The following POSTN variants were observed in gnomAD, a reference collection of about 807,000 sequenced individuals.
POSTN encodes the protein periostin.
POSTN carries 71 observed loss-of-function variants against 104.5 expected under a neutral mutation model. The ratio of observed to expected loss-of-function variants is 0.68; its 90% CI spans 0.56 to 0.83. POSTN has a LOEUF of 0.83. POSTN is among the 40% of genes least tolerant of loss of function. The pLI, the probability that POSTN is intolerant of heterozygous loss-of-function variation, is 0.00. For missense variants in POSTN, 949 were observed against 1,006.8 expected (o/e 0.94, Z 0.78); for synonymous variants, 355 against 340.7 (o/e 1.04, Z -0.46).
rs532200661 is a variant in POSTN, at chr13:37,581,396, G to C, written c.1393-699C>G. Among the ~76,000 whole-genome samples the C allele has an allele frequency of 2.0e-5, 3 of 152,198 alleles. No homozygotes were observed. In the South Asian group the frequency reaches 6.2e-4, roughly 32 times the overall value. ...ATTAGTTGAACTGTAATTTTGATAA[G>C]CAATATTTCTATAAATTTTCCTGCA... On this transcript the variant is annotated intron_variant, in intron 10 of 22. Coordinates refer to ENST00000379747, the MANE Select transcript of POSTN (RefSeq NM_006475.3).
chr13:37,595,750 C>T (rs1339861464), intron 2 of POSTN, among the ~76,000 whole-genome samples: 2 of 151,520 alleles, frequency 1.3e-5, no homozygotes, highest in Non-Finnish European at 1.5e-5. Flanking sequence ...TATAATATAG[C>T]TATTAAATCC....
In POSTN at chr13:37,573,393, TATAGTATTTTTTTCAAGAAAAAAACAAGG is replaced by T. The variant is rs1385459499; in HGVS notation, c.2089+1150_2089+1178del. Among the ~76,000 whole-genome samples, 322 of 151,446 alleles carry T rather than the reference TATAGTATTTTTTTCAAGAAAAAAACAAGG, an allele frequency of 2.1e-3. 3 individuals are homozygous for T. Among genetic ancestry groups the T allele is most frequent in the Middle Eastern group, 3.4e-3 (1 of 292 alleles). ...AGAAAGTCGATTAAATAATTATAAT[TATAGTATTTTTTTCAAGAAAAAAACAAGG>T]ATAGATTTCAAAGAATAACTCAATT... On this transcript the variant is annotated intron_variant, in intron 17 of 22. Transcript: ENST00000379747.
intron 18 of POSTN, 200 bp downstream of exon 18, chr13:37,571,169 T>A (rs1263660253): frequency 2.2e-6 from 1 of 462,072 alleles, no homozygotes; most frequent in East Asian, 3.5e-5. Context: ...GATAAATTAA[T>A]TCCAACTAGA....
chr13:37,584,996 T>C (rs1172306791), intron 7 of POSTN, 68 bp from the exon 8 acceptor site: 30 of 1,572,064 alleles, frequency 1.9e-5, no homozygotes, highest in Non-Finnish European at 5.2e-6. Context: ...TGAAAAGATG[T>C]GTTTCACTGT....
At chr13:37,584,637 G>A (rs1295035649) in intron 8 of POSTN, 79 bp downstream of exon 8, 28 of 1,181,008 alleles carry the variant, frequency 2.4e-5, no homozygotes, top group Non-Finnish European at 3.0e-5. Context: ...ATTTTTCATG[G>A]ACTTACTCTT....
intron 21 of POSTN, among the ~76,000 whole-genome samples, chr13:37,568,501 A>G (rs1950175803): frequency 6.6e-6 from 1 of 151,998 alleles, no homozygotes; most frequent in Admixed American, 6.6e-5. Context: ...CAAAGTGCCT[A>G]TTTGGTTTTT....
rs1566536690 is a variant in POSTN, at chr13:37,564,199, TATATATATATA to T, written c.2473+309_2473+319del. Among the ~76,000 whole-genome samples, 624 of 110,642 alleles carry T rather than the reference TATATATATATA, an allele frequency of 5.6e-3. 15 individuals are homozygous for T. The highest frequency in any genetic ancestry group is 0.015 in the South Asian group (50 of 3,420). The allele number at this position is 110,642 out of a possible 152,430, so 72.6% of individuals were successfully genotyped here. ...AACATTACATATATATATATATATA[TATATATATATA>T]TATATATATATATATATATGTATGG... On this transcript the variant is annotated intron_variant, in intron 22 of 22. Coordinates refer to ENST00000379747, the MANE Select transcript of POSTN (RefSeq NM_006475.3).
chr13:37,591,822 G>T (rs1195522504), intron 3 of POSTN, among the ~76,000 whole-genome samples: 1 of 152,124 alleles, frequency 6.6e-6, no homozygotes, highest in Admixed American at 6.5e-5. Flanking sequence ...CAAGTTCAAA[G>T]AACAGGATTT....
chr13:37,574,409 G>A (rs1950347989), intron 17 of POSTN, among the ~76,000 whole-genome samples, 163 bp downstream of exon 17: 1 of 151,866 alleles, frequency 6.6e-6, no homozygotes, highest in Non-Finnish European at 1.5e-5. Context: ...TAAATAATTT[G>A]CACTCCGCAT....
chr13:37,577,619 A>G, intron 16 of POSTN, 134 bp downstream of exon 16: 1 of 1,372,676 alleles, frequency 7.3e-7, no homozygotes, highest in Non-Finnish European at 9.5e-7. Context: ...CCTTTTTTCA[A>G]GTGAAATGAG....
intron 9 of POSTN, among the ~76,000 whole-genome samples, chr13:37,583,473 ACT>A (rs1950659753): frequency 7.8e-6 from 1 of 128,686 alleles, no homozygotes. Context: ...ACGGAGTCTC[ACT>A]CTGTCGCCCA....
chr13:37,590,812 T>C (rs1347225448), intron 3 of POSTN, among the ~76,000 whole-genome samples: 2 of 152,202 alleles, frequency 1.3e-5, no homozygotes, highest in Non-Finnish European at 2.9e-5. Flanking sequence ...TCCTGCTATG[T>C]CAATAATAAT....
chr13:37,582,432 C>T lies in POSTN; in HGVS notation c.1326G>A (p.Glu442=), dbSNP rs980272378. 6.2e-7 allele frequency: 1 copy of T among 1,613,832 alleles called. No individual in the cohort carries two copies. Among genetic ancestry groups the T allele is most frequent in the African/African-American group, 1.3e-5 (1 of 75,012 alleles). ...TTTCCAGTATTTGCCCGTTGTAAAG[C>T]TCATTAAGGCCAACTTTTACTTTCA... ...HILKVKVGLN[E]LYNGQILETI... The change falls in exon 10 of 23, where the codon GAG becomes GAA. Residue 442 remains glutamate (E), a synonymous_variant. Transcript: ENST00000379747.
intron 2 of POSTN, among the ~76,000 whole-genome samples, chr13:37,592,686 A>G (rs1950975232): frequency 6.6e-6 from 1 of 152,222 alleles, no homozygotes; most frequent in Non-Finnish European, 1.5e-5. Context: ...CAGAAGAACG[A>G]CATTTGGGTC....
intron 21 of POSTN, 114 bp downstream of exon 21, chr13:37,569,186 G>T: frequency 1.6e-6 from 1 of 610,326 alleles, no homozygotes; most frequent in East Asian, 3.0e-5. Context: ...AGTGGATGTT[G>T]TCTTTTTTTT....
At chr13:37,594,653 T>C (rs1380282127) in intron 2 of POSTN, among the ~76,000 whole-genome samples, 1 of 152,150 alleles carries the variant, frequency 6.6e-6, no homozygotes, top group East Asian at 1.9e-4. Context: ...GTTTCCAGAA[T>C]ACTATATTAC....
At chr13:37,588,071 C>T in intron 4 of POSTN, 85 bp from the exon 5 acceptor site, 1 of 1,096,800 alleles carries the variant, frequency 9.1e-7, no homozygotes, top group Non-Finnish European at 1.3e-6. Context: ...TACTCTCTTG[C>T]TATTTTCTCA....
chr13:37,590,241 C>T, intron 4 of POSTN, 131 bp downstream of exon 4: 4 of 616,482 alleles, frequency 6.5e-6, no homozygotes, highest in African/African-American at 1.9e-5. Flanking sequence ...ATAACTCATC[C>T]CTTTAGGTAT....
intron 10 of POSTN, 131 bp downstream of exon 10, chr13:37,582,235 C>T (rs1371741600): frequency 1.1e-5 from 11 of 1,043,266 alleles, no homozygotes; most frequent in Middle Eastern, 4.5e-4. Flanking sequence ...CCCAAGCTAC[C>T]CAGTTCCCTG....
Sources: allele counts gnomAD v4.1 joint callset (sites outside exome capture counted in the v4.1 genomes callset), GRCh38; gene constraint gnomAD v4.1.1; transcripts MANE v1.5; gene names NCBI Gene and HGNC (gene_info 2026-07-23, HGNC 2026-07-21).